Variants in PLXNA4 observed in about 807,000 individuals in gnomAD.
The protein encoded by PLXNA4 is plexin A4.
A neutral mutation model predicts 191.8 loss-of-function variants in PLXNA4; 44 were observed. That is an observed-to-expected ratio of 0.23 (90% CI 0.18 to 0.29). The LOEUF (loss-of-function observed/expected upper bound fraction) is 0.29. Ranked by LOEUF, PLXNA4 falls within the 10% of genes least tolerant of loss-of-function variation. The pLI, the probability that PLXNA4 is intolerant of heterozygous loss-of-function variation, is 1.00. For missense variants in PLXNA4, 1,800 were observed against 2,488.8 expected (o/e 0.72, Z 5.89); for synonymous variants, 1,082 against 1,009.5 (o/e 1.07, Z -1.36).
At chr7:132,602,942 A>C (rs896566185) in intron 2 of PLXNA4, among the ~76,000 whole-genome samples, 13 of 152,240 alleles carry the variant, frequency 8.5e-5, no homozygotes, top group Admixed American at 8.5e-4. Flanking sequence ...GGAAAAAGAA[A>C]GAGAACTTCT....
chr7:132,551,961 G>A (rs1456420586), intron 1 of PLXNA4, among the ~76,000 whole-genome samples: 1 of 152,138 alleles, frequency 6.6e-6, no homozygotes, highest in East Asian at 1.9e-4. Context: ...ATCAAGGTCT[G>A]ACCAGGAGTC....
At chr7:132,462,836 A>ATTTTT (rs57607720) in intron 3 of PLXNA4, among the ~76,000 whole-genome samples, 38 of 88,926 alleles carry the variant, frequency 4.3e-4, no homozygotes, top group East Asian at 3.6e-3. Context: ...CATTTCTATA[A>ATTTTT]TTTTTTTTTT....
intron 14 of PLXNA4, among the ~76,000 whole-genome samples, chr7:132,193,741 G>A (rs1325329731): frequency 6.6e-6 from 1 of 152,190 alleles, no homozygotes; most frequent in African/African-American, 2.4e-5. Context: ...CCCAGGAGTT[G>A]CCTTGTGAAG....
chr7:132,511,238 C>G (rs1349044374), intron 1 of PLXNA4, among the ~76,000 whole-genome samples: 2 of 152,210 alleles, frequency 1.3e-5, no homozygotes, highest in Non-Finnish European at 2.9e-5. Context: ...TTTCACATAG[C>G]TTGGCTCACA....
At chr7:132,404,672 C>A (rs1013449343) in intron 3 of PLXNA4, among the ~76,000 whole-genome samples, 1 of 152,196 alleles carries the variant, frequency 6.6e-6, no homozygotes, top group Admixed American at 6.5e-5. Context: ...TGTTATTTAA[C>A]TTTCCCATGT....
At chr7:132,538,886 G>A (rs929370937) in intron 1 of PLXNA4, among the ~76,000 whole-genome samples, 2 of 152,182 alleles carry the variant, frequency 1.3e-5, no homozygotes, top group Non-Finnish European at 2.9e-5. Context: ...GCTCCTCTTT[G>A]ACCAAGTTGA....
intron 30 of PLXNA4, among the ~76,000 whole-genome samples, chr7:132,137,128 G>C (rs1264086295): frequency 1.3e-5 from 2 of 152,208 alleles, no homozygotes; most frequent in African/African-American, 4.8e-5. Context: ...CTCACCTCTA[G>C]ACTATATCTT....
chr7:132,222,262 G>A (rs993909924), intron 9 of PLXNA4, among the ~76,000 whole-genome samples: 1 of 152,346 alleles, frequency 6.6e-6, no homozygotes, highest in East Asian at 1.9e-4. Flanking sequence ...GCTAAGCACA[G>A]TGCAGTCACT....
At chr7:132,263,515 T>C (rs769234221) in intron 4 of PLXNA4, among the ~76,000 whole-genome samples, 1 of 152,358 alleles carries the variant, frequency 6.6e-6, no homozygotes, top group East Asian at 1.9e-4. Context: ...ACCTGGGTTG[T>C]TCTGAGAGCT....
intron 4 of PLXNA4, among the ~76,000 whole-genome samples, chr7:132,258,587 C>T (rs770941572): frequency 1.5e-4 from 23 of 152,182 alleles, no homozygotes; most frequent in Non-Finnish European, 3.1e-4. Context: ...CTTTTCTCAC[C>T]ACTCTCCTCC....
chr7:132,511,611 GCA>G (rs1230062881), intron 1 of PLXNA4, among the ~76,000 whole-genome samples: 1 of 152,170 alleles, frequency 6.6e-6, no homozygotes. Context: ...AGCAGCAGCT[GCA>G]CAGAGCCTCT....
chr7:132,415,726 C>T (rs1794636668), intron 3 of PLXNA4, among the ~76,000 whole-genome samples: 1 of 152,152 alleles, frequency 6.6e-6, no homozygotes, highest in Non-Finnish European at 1.5e-5. Context: ...TTCATCAATA[C>T]AGCAAACCCA....
chr7:132,404,690 CCT>C (rs760630003), intron 3 of PLXNA4, among the ~76,000 whole-genome samples: 8 of 152,136 alleles, frequency 5.3e-5, no homozygotes, highest in Non-Finnish European at 8.8e-5. Context: ...TGTTTTGTCC[CCT>C]GTTAAAGGGG....
chr7:132,237,088 G>A (rs975522393), intron 5 of PLXNA4, among the ~76,000 whole-genome samples: 10 of 152,218 alleles, frequency 6.6e-5, no homozygotes, highest in Non-Finnish European at 1.2e-4. Context: ...GATTACAAGC[G>A]TGTTTGTCTT....
At chr7:132,558,357 T>C (rs1228461840) in intron 1 of PLXNA4, among the ~76,000 whole-genome samples, 1 of 152,222 alleles carries the variant, frequency 6.6e-6, no homozygotes, top group Non-Finnish European at 1.5e-5. Context: ...TGTAAGCTTT[T>C]TTATAAAGGC....
chr7:132,531,419 T>A (rs1563155271), intron 1 of PLXNA4, among the ~76,000 whole-genome samples: 1 of 152,222 alleles, frequency 6.6e-6, no homozygotes, highest in East Asian at 1.9e-4. Context: ...CTCTTAATAG[T>A]CTATAAGGTA....
intron 1 of PLXNA4, among the ~76,000 whole-genome samples, chr7:132,562,634 CCTCCTCTTT>C: frequency 8.2e-6 from 1 of 121,684 alleles, no homozygotes; most frequent in Non-Finnish European, 1.7e-5. Flanking sequence ...TCCTCCTTCT[CCTCCTCTTT>C]CTCCTCCTCC....
intron 1 of PLXNA4, among the ~76,000 whole-genome samples, chr7:132,557,149 G>C (rs1195214962): frequency 6.6e-6 from 1 of 152,178 alleles, no homozygotes; most frequent in Non-Finnish European, 1.5e-5. Flanking sequence ...TTTGACATTG[G>C]GCTTTGCTAT....
chr7:132,190,484 T>C (rs1376757690), intron 14 of PLXNA4, among the ~76,000 whole-genome samples: 3 of 152,340 alleles, frequency 2.0e-5, no homozygotes, highest in Middle Eastern at 6.8e-3. Flanking sequence ...ACCCAGGATC[T>C]GTAGCATTGG....
Sources: allele counts gnomAD v4.1 joint callset (sites outside exome capture counted in the v4.1 genomes callset), GRCh38; gene constraint gnomAD v4.1.1; transcripts MANE v1.5; gene names NCBI Gene and HGNC (gene_info 2026-07-23, HGNC 2026-07-21).